The following PCDH17 variants were observed in gnomAD, a reference collection of about 807,000 sequenced individuals.
PCDH17 encodes the protein protocadherin-17.
PCDH17 carries 21 observed loss-of-function variants against 67.7 expected under a neutral mutation model. That is an observed-to-expected ratio of 0.31 (90% CI 0.22 to 0.45). PCDH17 has a LOEUF of 0.45. Ranked by LOEUF, PCDH17 falls within the 20% of genes least tolerant of loss-of-function variation. The pLI is 1.00. For synonymous variants in PCDH17, 701 were observed against 656.7 expected (o/e 1.07, Z -1.03); for missense variants, 1,471 against 1,564.8 (o/e 0.94, Z 1.01).
chr13:57,661,385 A>C (rs1955181946), intron 1 of PCDH17, among the ~76,000 whole-genome samples: 1 of 152,176 alleles, frequency 6.6e-6, no homozygotes, highest in Admixed American at 6.5e-5. Context: ...GTCTGCATGC[A>C]ACATTATAGA....
At chr13:57,703,152 A>G (rs938072542) in intron 3 of PCDH17, among the ~76,000 whole-genome samples, 1 of 152,182 alleles carries the variant, frequency 6.6e-6, no homozygotes, top group Admixed American at 6.5e-5. Context: ...AGTCCATAAA[A>G]GGCATCTTCT....
At chr13:57,687,565 T>G (rs1955519984) in intron 3 of PCDH17, among the ~76,000 whole-genome samples, 2 of 151,782 alleles carry the variant, frequency 1.3e-5, no homozygotes, top group South Asian at 4.1e-4. Context: ...AAATCTAAAA[T>G]TGTATTATCA....
chr13:57,695,074 G>A (rs1870073283), intron 3 of PCDH17, among the ~76,000 whole-genome samples: 1 of 151,060 alleles, frequency 6.6e-6, no homozygotes, highest in African/African-American at 2.4e-5. Context: ...CATTTATCCA[G>A]TTGAATTGAA....
At chr13:57,653,827 G>A (rs1294214263) in intron 1 of PCDH17, among the ~76,000 whole-genome samples, 1 of 152,024 alleles carries the variant, frequency 6.6e-6, no homozygotes, top group Non-Finnish European at 1.5e-5. Flanking sequence ...TTCATGTGTC[G>A]AAATGCATTT....
In PCDH17 at chr13:57,631,971, T is replaced by A. The variant is rs1954728889; in HGVS notation, c.-576T>A. 1 of 154,768 alleles carries A rather than the reference T, an allele frequency of 6.5e-6. No homozygotes were observed. Among genetic ancestry groups the A allele is most frequent in the Non-Finnish European group, 1.4e-5 (1 of 70,178 alleles). The allele number at this position is 154,768 out of a possible 1,614,324, so 9.6% of individuals were successfully genotyped here. On this transcript the variant is annotated 5_prime_UTR_variant, in exon 1 of 4. Coordinates refer to ENST00000377918, the MANE Select transcript of PCDH17 (RefSeq NM_001040429.3). ...AATATATCTGTGACTCTGTCTTCGT[T>A]GCTCTTCATCCCCATCAATTTCATC...
rs983077491 is a variant in PCDH17, at chr13:57,671,032, G to GA, written c.2797+4206dup. Among the ~76,000 whole-genome samples, 12 of 151,838 alleles carry GA rather than the reference G, an allele frequency of 7.9e-5. No homozygotes were observed. The East Asian group carries it at 1.7e-3, about 22-fold the overall frequency. Reference sequence around the variant, plus strand: ...GTTATTTTTTCTTTTAGTGTGATGGGAAAAAAATCAAAGAATGTATCTAGT... The same window carrying GA: ...GTTATTTTTTCTTTTAGTGTGATGGGAAAAAAAATCAAAGAATGTATCTAGT... On this transcript the variant is annotated intron_variant, in intron 3 of 3. Transcript: ENST00000377918.
At position 57,728,010 on chromosome 13, in the gene PCDH17, A is replaced by T. The variant is rs536097477; in HGVS notation, c.*2716A>T. On this transcript the variant is annotated 3_prime_UTR_variant, in exon 4 of 4. Transcript: ENST00000377918. Reference sequence around the variant, plus strand: ...AATTGGTTGTGCCAATGTGTGAGGGATTTACCTTTAGGCTCTCTGTCACCA... The same window carrying T: ...AATTGGTTGTGCCAATGTGTGAGGGTTTTACCTTTAGGCTCTCTGTCACCA... 2 of 152,700 alleles carry T rather than the reference A, an allele frequency of 1.3e-5. No homozygotes were observed. The highest frequency in any genetic ancestry group is 3.9e-4 in the East Asian group (2 of 5,178). 9.5% of individuals were successfully genotyped at this position (152,700 alleles called of 1,614,324 possible).
chr13:57,664,774 T>A (rs1462053346), intron 1 of PCDH17, among the ~76,000 whole-genome samples: 1 of 152,228 alleles, frequency 6.6e-6, no homozygotes, highest in Non-Finnish European at 1.5e-5. Context: ...AACTAGTTTT[T>A]ATTAAATTAA....
At chr13:57,650,397 T>A (rs1460999088) in intron 1 of PCDH17, among the ~76,000 whole-genome samples, 1 of 152,058 alleles carries the variant, frequency 6.6e-6, no homozygotes, top group African/African-American at 2.4e-5. Flanking sequence ...GAATCTGTAG[T>A]GACCCTCCAG....
intron 3 of PCDH17, among the ~76,000 whole-genome samples, chr13:57,705,593 C>T (rs146067059): frequency 6.6e-6 from 1 of 152,214 alleles, no homozygotes; most frequent in Non-Finnish European, 1.5e-5. Context: ...CATTTAATAA[C>T]TCACTAGTAT....
At chr13:57,661,724 G>A (rs375039647) in intron 1 of PCDH17, among the ~76,000 whole-genome samples, 3 of 152,096 alleles carry the variant, frequency 2.0e-5, no homozygotes, top group Admixed American at 6.6e-5. Flanking sequence ...ATATTGAATC[G>A]TCTTTTCAAC....
intron 3 of PCDH17, among the ~76,000 whole-genome samples, chr13:57,721,382 G>C (rs1355781998): frequency 6.6e-6 from 1 of 151,086 alleles, no homozygotes. Context: ...TGTATATATT[G>C]AATATATGCA....
At position 57,724,637 on chromosome 13, in the gene PCDH17, A is replaced by G. The variant is rs1955897412; in HGVS notation, c.2823A>G (p.Thr941=). The change falls in exon 4 of 4, where the codon ACA becomes ACG. Residue 941 remains threonine, a synonymous_variant. Transcript: ENST00000377918. ...EQEPEECVNC[T]DECRVLGHSD... Reference sequence around the variant, plus strand: ...AACCAGAAGAGTGTGTTAATTGCACAGATGAATGCCGAGTGCTTGGTCATT... The same window carrying G: ...AACCAGAAGAGTGTGTTAATTGCACGGATGAATGCCGAGTGCTTGGTCATT... The G allele has an allele frequency of 6.2e-7, 1 of 1,613,064 alleles. No individual in the cohort carries two copies. Among genetic ancestry groups the G allele is most frequent in the African/African-American group, 1.3e-5 (1 of 74,896 alleles).
rs1955479755 is a variant in PCDH17 at position 57,683,718 on chromosome 13, G to A, written c.2797+16885G>A. Reference sequence around the variant, plus strand: ...AAATATTCCTCAGGACTCAGAAACCGCCTTTCCTATTACTGTACCCAGAAG... The same window carrying A: ...AAATATTCCTCAGGACTCAGAAACCACCTTTCCTATTACTGTACCCAGAAG... On this transcript the variant is annotated intron_variant, in intron 3 of 3. Coordinates refer to ENST00000377918, the MANE Select transcript of PCDH17 (RefSeq NM_001040429.3). Among the ~76,000 whole-genome samples the A allele has an allele frequency of 5.9e-5, 9 of 151,716 alleles. No homozygotes were observed. In the South Asian group the frequency reaches 1.9e-3, roughly 31 times the overall value.
intron 3 of PCDH17, among the ~76,000 whole-genome samples, chr13:57,687,335 G>A (rs552976200): frequency 6.6e-6 from 1 of 151,908 alleles, no homozygotes; most frequent in South Asian, 2.1e-4. Flanking sequence ...GAGGAGAAAG[G>A]GAATTAAAAT....
Position 57,726,491 on chromosome 13 carries a change from C to T in PCDH17, c.*1197C>T, listed in dbSNP as rs1352940170. 6.6e-6 allele frequency: 1 copy of T among 152,606 alleles called. No individual in the cohort carries two copies. Among genetic ancestry groups the T allele is most frequent in the African/African-American group, 2.4e-5 (1 of 41,448 alleles). 9.5% of individuals were successfully genotyped at this position (152,606 alleles called of 1,614,324 possible). A position where few individuals can be genotyped will look rare whatever the true frequency, so the allele number is the denominator to read the frequency against. ...ACTCTATGAGTTTTGTTTTTTCCTG[C>T]TTCCTTTTCCCCATGGAGTGTGGGA... On this transcript the variant is annotated 3_prime_UTR_variant, in exon 4 of 4. Coordinates refer to ENST00000377918, the MANE Select transcript of PCDH17 (RefSeq NM_001040429.3).
In PCDH17 at chr13:57,673,381, G is replaced by C. The variant is rs146429732; in HGVS notation, c.2797+6548G>C. 1.6e-4 allele frequency among the ~76,000 whole-genome samples: 24 copies of C among 152,046 alleles called. No individual in the cohort carries two copies. The East Asian group carries it at 3.3e-3, about 21-fold the overall frequency. On this transcript the variant is annotated intron_variant, in intron 3 of 3. Coordinates refer to ENST00000377918, the MANE Select transcript of PCDH17 (RefSeq NM_001040429.3). ...TGTTACATTCCAGCCTTTGTTTAGGGGCACTGGCTCTTTCAGCTTTTAATA... is the reference window on the plus strand; with the variant it reads ...TGTTACATTCCAGCCTTTGTTTAGGCGCACTGGCTCTTTCAGCTTTTAATA...
At chr13:57,685,502 A>G (rs1385582155) in intron 3 of PCDH17, among the ~76,000 whole-genome samples, 1 of 151,920 alleles carries the variant, frequency 6.6e-6, no homozygotes, top group South Asian at 2.1e-4. Context: ...CCCTCAGTGG[A>G]TGTTTGTGTT....
chr13:57,667,249 A>T (rs1215960512), intron 3 of PCDH17, among the ~76,000 whole-genome samples: 2 of 152,132 alleles, frequency 1.3e-5, no homozygotes, highest in Non-Finnish European at 2.9e-5. Context: ...AGCTCTTAGC[A>T]GTGCTTGTTG....
Sources: gnomAD v4.1 joint callset for allele counts (sites outside exome capture counted in the v4.1 genomes callset) on GRCh38, gnomAD v4.1.1 for gene constraint, MANE v1.5 for transcripts, NCBI Gene and HGNC (gene_info 2026-07-23, HGNC 2026-07-21) for gene names.